The following ZBTB10 variants were observed in gnomAD, a reference collection of about 807,000 sequenced individuals.
ZBTB10 encodes zinc finger and BTB domain-containing protein 10.
In ZBTB10, 32 loss-of-function variants were observed where a neutral mutation model predicts 76.4. The ratio of observed to expected loss-of-function variants is 0.42; its 90% CI spans 0.32 to 0.56. The LOEUF is 0.56. Among genes scored for constraint, ZBTB10 ranks in the 20% least tolerant of loss-of-function variants. The probability of loss-of-function intolerance (pLI) is 0.14; values close to 1 mark genes in which losing one functional copy is unlikely to be tolerated. For synonymous variants in ZBTB10, 523 were observed against 432.9 expected (o/e 1.21, Z -2.58); for missense variants, 1,057 against 1,098.5 (o/e 0.96, Z 0.53).
chr8:80,486,063 A>G (rs1301844929), upstream of ZBTB10: 28 of 748,476 alleles, frequency 3.7e-5, no homozygotes, highest in African/African-American at 2.2e-4. Context: ...CCCCGCCCCC[A>G]GGCCGGAGGC....
chr8:80,510,983 C>G (rs566086062), intron 2 of ZBTB10, among the ~76,000 whole-genome samples: 1 of 152,242 alleles, frequency 6.6e-6, no homozygotes, highest in South Asian at 2.1e-4. Context: ...CCATTCACAT[C>G]AACATCTCTA....
intron 1 of ZBTB10, among the ~76,000 whole-genome samples, chr8:80,493,426 C>G (rs979715204): frequency 1.3e-5 from 2 of 152,106 alleles, no homozygotes; most frequent in South Asian, 4.1e-4. Context: ...AGGGGAGAAT[C>G]ATTATCAAAT....
chr8:80,486,240 C>G lies in ZBTB10; in HGVS notation c.-571C>G. 1 of 1,036,030 alleles carries G rather than the reference C, an allele frequency of 9.7e-7. No homozygotes were observed. Among genetic ancestry groups the G allele is most frequent in the Non-Finnish European group, 1.2e-6 (1 of 863,966 alleles). The allele number at this position is 1,036,030 out of a possible 1,614,324, so 64.2% of individuals were successfully genotyped here. A position where few individuals can be genotyped will look rare whatever the true frequency, so the allele number is the denominator to read the frequency against. ...GTCCGTTGTTCATTTGCCATTCGAC[C>G]TCCGCCAGGGCCTGGTCGGACGGAA... is the stretch of plus-strand genomic sequence containing the variant. On this transcript the variant is annotated 5_prime_UTR_variant, in exon 1 of 6. Transcript: ENST00000455036.
chr8:80,491,765 G>A (rs1343409756), intron 1 of ZBTB10, among the ~76,000 whole-genome samples: 1 of 152,202 alleles, frequency 6.6e-6, no homozygotes, highest in African/African-American at 2.4e-5. Flanking sequence ...TAATAACAGT[G>A]ATTACCAGTT....
rs962725365 is a variant in ZBTB10, at chr8:80,522,486, G to T, written c.*2958G>T. On this transcript the variant is annotated 3_prime_UTR_variant, in exon 6 of 6. Coordinates refer to ENST00000455036, the MANE Select transcript of ZBTB10 (RefSeq NM_001105539.3). ...TCTCAGAGACAGATACTTCCATATG[G>T]ACCCCTGTTCATTTTTCTTATTTAC... The T allele has an allele frequency of 6.6e-6, 1 of 151,744 alleles. No individual in the cohort carries two copies. The highest frequency in any genetic ancestry group is 2.1e-4 in the South Asian group (1 of 4,812). 9.4% of individuals were successfully genotyped at this position (151,744 alleles called of 1,614,324 possible). A position where few individuals can be genotyped will look rare whatever the true frequency, so the allele number is the denominator to read the frequency against.
rs1378794597 is a variant in ZBTB10 at position 80,523,754 on chromosome 8, T to C, written c.*4226T>C. 4 of 151,954 alleles carry C rather than the reference T, an allele frequency of 2.6e-5. No homozygotes were observed. The highest frequency in any genetic ancestry group is 9.7e-5 in the African/African-American group (4 of 41,436). 9.4% of individuals were successfully genotyped at this position (151,954 alleles called of 1,614,324 possible). A position where few individuals can be genotyped will look rare whatever the true frequency, so the allele number is the denominator to read the frequency against. ...ATTTTATGACATTGGGTACTTAAAT[T>C]TGGAGTACACTAGCTATTGAGAACA... On this transcript the variant is annotated 3_prime_UTR_variant, in exon 6 of 6. Transcript: ENST00000455036.
At chr8:80,511,448 A>AG (rs1816192351) in intron 2 of ZBTB10, among the ~76,000 whole-genome samples, 1 of 152,230 alleles carries the variant, frequency 6.6e-6, no homozygotes. Context: ...TTTTAAAAAA[A>AG]GATTGAGAAA....
At chr8:80,495,150 T>TA (rs1815750417) in intron 1 of ZBTB10, among the ~76,000 whole-genome samples, 1 of 151,066 alleles carries the variant, frequency 6.6e-6, no homozygotes, top group Non-Finnish European at 1.5e-5. Flanking sequence ...TTTTTTTTTT[T>TA]AAGGAGATAG....
chr8:80,519,168 A>T, intron 5 of ZBTB10, 55 bp from the exon 6 acceptor site: 1 of 1,534,106 alleles, frequency 6.5e-7, no homozygotes, highest in Non-Finnish European at 8.8e-7. Context: ...AGTGGTTCAA[A>T]TGCATTCTAT....
At chr8:80,492,181 A>G (rs997687975) in intron 1 of ZBTB10, among the ~76,000 whole-genome samples, 3 of 152,174 alleles carry the variant, frequency 2.0e-5, no homozygotes, top group Non-Finnish European at 4.4e-5. Context: ...TATATTTTAC[A>G]TTATTTATAA....
At position 80,524,464 on chromosome 8, in the gene ZBTB10, T is replaced by C. The variant is rs1328121770; in HGVS notation, c.*4936T>C. 4 of 152,112 alleles carry C rather than the reference T, an allele frequency of 2.6e-5. No individual in the cohort carries two copies. Among genetic ancestry groups the C allele is most frequent in the African/African-American group, 7.2e-5 (3 of 41,448 alleles). The allele number at this position is 152,112 out of a possible 1,614,324, so 9.4% of individuals were successfully genotyped here. A position where few individuals can be genotyped will look rare whatever the true frequency, so the allele number is the denominator to read the frequency against. On this transcript the variant is annotated 3_prime_UTR_variant, in exon 6 of 6. Coordinates refer to ENST00000455036, the MANE Select transcript of ZBTB10 (RefSeq NM_001105539.3). ...CCATGTTGTATATTTGTGGACTGAT[T>C]GACTACAAGTGATGTGATGTTATAA... is the stretch of plus-strand genomic sequence containing the variant.
rs1415094184 is a variant in ZBTB10 at position 80,486,772 on chromosome 8, G to T, written c.-39G>T. 40 of 1,342,256 alleles carry T rather than the reference G, an allele frequency of 3.0e-5. No individual in the cohort carries two copies. In the East Asian group the frequency reaches 1.1e-3, roughly 38 times the overall value. 83.1% of individuals were successfully genotyped at this position (1,342,256 alleles called of 1,614,324 possible). ...CGGGACGCGGCCCGAGGCCGTGCGC[G>T]AGCCGGGGCACCGGGCGGCGGCGGC... On this transcript the variant is annotated 5_prime_UTR_variant, in exon 1 of 6. Coordinates refer to ENST00000455036, the MANE Select transcript of ZBTB10 (RefSeq NM_001105539.3).
At chr8:80,516,453 T>C (rs1043148725) in intron 3 of ZBTB10, among the ~76,000 whole-genome samples, 1 of 152,196 alleles carries the variant, frequency 6.6e-6, no homozygotes, top group Non-Finnish European at 1.5e-5. Context: ...ACAAGAAATA[T>C]GGATCATAAA....
chr8:80,486,936 C>T lies in ZBTB10; in HGVS notation c.126C>T (p.Pro42=), dbSNP rs543832798. 8.7e-5 allele frequency: 132 copies of T among 1,512,824 alleles called. 2 individuals are homozygous for T. In the South Asian group the frequency reaches 1.5e-3, roughly 17 times the overall value. The allele number at this position is 1,512,824 out of a possible 1,614,324, so 93.7% of individuals were successfully genotyped here. The change falls in exon 1 of 6, where the codon CCC becomes CCT. Residue 42 remains proline (P), a synonymous_variant. Coordinates refer to ENST00000455036, the MANE Select transcript of ZBTB10 (RefSeq NM_001105539.3). ...GGEASAWPPQ[P]QPRQPPPPAP... ...AGGCCTCAGCTTGGCCTCCGCAGCC[C>T]CAGCCGAGACAGCCCCCGCCGCCAG...
chr8:80,521,186 C>T lies in ZBTB10; in HGVS notation c.*1658C>T, dbSNP rs969037120. ...TTATTGTTAGACAATGATGTTTCTG[C>T]TTGGATAAATCAAAGATAAATTACA... On this transcript the variant is annotated 3_prime_UTR_variant, in exon 6 of 6. Transcript: ENST00000455036. The T allele has an allele frequency of 4.6e-5, 7 of 151,726 alleles. 1 individual carries two copies. The highest frequency in any genetic ancestry group is 4.6e-4 in the Admixed American group (7 of 15,232). 9.4% of individuals were successfully genotyped at this position (151,726 alleles called of 1,614,324 possible).
At chr8:80,496,873 C>G (rs1285427144) in intron 1 of ZBTB10, among the ~76,000 whole-genome samples, 9 of 152,176 alleles carry the variant, frequency 5.9e-5, no homozygotes, top group Non-Finnish European at 8.8e-5. Context: ...TCCAAATATT[C>G]ATACAATATT....
intron 2 of ZBTB10, among the ~76,000 whole-genome samples, chr8:80,510,932 T>C (rs1457886671): frequency 2.0e-5 from 3 of 152,196 alleles, no homozygotes; most frequent in African/African-American, 7.2e-5. Flanking sequence ...GAAGCAAAAT[T>C]CATTCGTGTC....
intron 4 of ZBTB10, 50 bp from the exon 5 acceptor site, chr8:80,518,732 T>A: frequency 1.3e-6 from 2 of 1,531,182 alleles, no homozygotes; most frequent in Non-Finnish European, 1.8e-6. Flanking sequence ...TGATAGCAAG[T>A]TTTCTGTTTA....
chr8:80,521,239 A>T lies in ZBTB10; in HGVS notation c.*1711A>T, dbSNP rs985791840. 1 of 151,824 alleles carries T rather than the reference A, an allele frequency of 6.6e-6. No homozygotes were observed. The highest frequency in any genetic ancestry group is 2.4e-5 in the African/African-American group (1 of 41,422). 9.4% of individuals were successfully genotyped at this position (151,824 alleles called of 1,614,324 possible). On this transcript the variant is annotated 3_prime_UTR_variant, in exon 6 of 6. Coordinates refer to ENST00000455036, the MANE Select transcript of ZBTB10 (RefSeq NM_001105539.3). ...TACATGGTTAGATGCATCTTTTGTC[A>T]TCTATATTGTAGTTTCTACATAACT...
Sources: gnomAD v4.1 joint callset for allele counts (sites outside exome capture counted in the v4.1 genomes callset) on GRCh38, gnomAD v4.1.1 for gene constraint, MANE v1.5 for transcripts, NCBI Gene and HGNC (gene_info 2026-07-23, HGNC 2026-07-21) for gene names.